PLCXD3: variants seen among roughly 807,000 people sequenced by gnomAD.
PLCXD3 encodes the protein phosphatidylinositol specific phospholipase C X domain containing 3.
A neutral mutation model predicts 25.5 loss-of-function variants in PLCXD3; 19 were observed. The observed-to-expected ratio is 0.75, with a 90% CI of 0.52 to 1.09. The LOEUF is 1.09. PLCXD3 is among the 50% of genes least tolerant of loss of function. The probability of loss-of-function intolerance (pLI) is 0.00; values close to 1 mark genes in which losing one functional copy is unlikely to be tolerated. For synonymous variants in PLCXD3, 174 were observed against 137.6 expected, an observed-to-expected ratio of 1.26 and a Z score of -1.85; for missense variants, 411 against 388.1, an observed-to-expected ratio of 1.06 and a Z score of -0.50.
At chr5:41,431,056 A>G (rs1186748804) in intron 1 of PLCXD3, among the ~76,000 whole-genome samples, 1 of 152,186 alleles carries the variant, frequency 6.6e-6, no homozygotes, top group Non-Finnish European at 1.5e-5. Flanking sequence ...AACTTATTAT[A>G]CAATGAGCAC....
intron 1 of PLCXD3, among the ~76,000 whole-genome samples, chr5:41,483,142 A>G (rs1293353179): frequency 6.6e-6 from 1 of 152,216 alleles, no homozygotes; most frequent in South Asian, 2.1e-4. Flanking sequence ...AAGGATGTCA[A>G]TTAAAGTGAA....
chr5:41,386,378 A>G (rs1745635731), intron 1 of PLCXD3, among the ~76,000 whole-genome samples: 1 of 152,034 alleles, frequency 6.6e-6, no homozygotes, highest in Non-Finnish European at 1.5e-5. Context: ...TCTGTGTAGA[A>G]TGTGTGTAAT....
At chr5:41,343,228 T>G (rs920003298) in intron 2 of PLCXD3, among the ~76,000 whole-genome samples, 2 of 152,106 alleles carry the variant, frequency 1.3e-5, no homozygotes, top group African/African-American at 2.4e-5. Context: ...GACCACTTTA[T>G]TCACCATAAT....
At chr5:41,496,359 C>G (rs921538152) in intron 1 of PLCXD3, among the ~76,000 whole-genome samples, 4 of 151,884 alleles carry the variant, frequency 2.6e-5, no homozygotes, top group Non-Finnish European at 5.9e-5. Flanking sequence ...CTTTCAGATT[C>G]AAGAAGCCCA....
At position 41,307,101 on chromosome 5, in the gene PLCXD3, C is replaced by T. The variant is rs1240531449; in HGVS notation, c.*6516G>A. 6.6e-6 allele frequency: 1 copy of T among 152,526 alleles called. No homozygotes were observed. Among genetic ancestry groups the T allele is most frequent in the Non-Finnish European group, 1.5e-5 (1 of 67,996 alleles). The allele number at this position is 152,526 out of a possible 1,614,324, so 9.4% of individuals were successfully genotyped here. On this transcript the variant is annotated 3_prime_UTR_variant, in exon 3 of 3. Transcript: ENST00000377801. Reference sequence around the variant, plus strand: ...CTTTACACCACATTTATTAAAGTATCAATAACCAGATCCTAAAAAGAGAAG... The same window carrying T: ...CTTTACACCACATTTATTAAAGTATTAATAACCAGATCCTAAAAAGAGAAG...
chr5:41,423,493 T>C (rs1746876875), intron 1 of PLCXD3, among the ~76,000 whole-genome samples: 1 of 152,156 alleles, frequency 6.6e-6, no homozygotes, highest in Non-Finnish European at 1.5e-5. Context: ...TGATTATTTT[T>C]ATATTCTCCT....
At chr5:41,466,758 C>T (rs1748025797) in intron 1 of PLCXD3, among the ~76,000 whole-genome samples, 1 of 152,070 alleles carries the variant, frequency 6.6e-6, no homozygotes, top group Non-Finnish European at 1.5e-5. Flanking sequence ...CCTCTAACTT[C>T]TATGAATTCA....
In PLCXD3 at chr5:41,313,347, T is replaced by C. The variant is rs1041886235; in HGVS notation, c.*270A>G. 7.8e-6 allele frequency: 3 copies of C among 385,394 alleles called. No individual in the cohort carries two copies. The highest frequency in any genetic ancestry group is 1.4e-5 in the Non-Finnish European group (3 of 213,552). 23.9% of individuals were successfully genotyped at this position (385,394 alleles called of 1,614,324 possible). ...CTCATGAATTCTATGTTACAAAGAC[T>C]AATTTTGAAAAACAAAGTTACTGGT... On this transcript the variant is annotated 3_prime_UTR_variant, in exon 3 of 3. Coordinates refer to ENST00000377801, the MANE Select transcript of PLCXD3 (RefSeq NM_001005473.3).
intron 1 of PLCXD3, among the ~76,000 whole-genome samples, chr5:41,416,083 G>A (rs769849882): frequency 6.6e-6 from 1 of 152,136 alleles, no homozygotes; most frequent in African/African-American, 2.4e-5. Flanking sequence ...AGCTCAAAGA[G>A]GGAGATTAGG....
intron 1 of PLCXD3, among the ~76,000 whole-genome samples, chr5:41,486,952 G>A (rs564839844): frequency 1.8e-4 from 27 of 152,252 alleles, no homozygotes; most frequent in African/African-American, 6.5e-4. Context: ...CCGTTTTACA[G>A]ATGTAACACC....
At chr5:41,508,205 T>C (rs1258745734) in intron 1 of PLCXD3, among the ~76,000 whole-genome samples, 3 of 152,238 alleles carry the variant, frequency 2.0e-5, no homozygotes, top group Non-Finnish European at 4.4e-5. Flanking sequence ...TGTCATCATC[T>C]TTATGTCTGT....
chr5:41,463,181 A>G (rs995395550), intron 1 of PLCXD3, among the ~76,000 whole-genome samples: 2 of 152,040 alleles, frequency 1.3e-5, no homozygotes. Context: ...TTCCACCTGT[A>G]TTCATCAGTT....
At chr5:41,460,161 T>A (rs1458647073) in intron 1 of PLCXD3, among the ~76,000 whole-genome samples, 3 of 151,950 alleles carry the variant, frequency 2.0e-5, no homozygotes, top group Non-Finnish European at 4.4e-5. Flanking sequence ...TTATGGATGC[T>A]AGTGTTCCCA....
chr5:41,474,264 G>T (rs1748232507), intron 1 of PLCXD3, among the ~76,000 whole-genome samples: 1 of 152,122 alleles, frequency 6.6e-6, no homozygotes, highest in Non-Finnish European at 1.5e-5. Context: ...ATTGATAACA[G>T]GTTCATATTA....
chr5:41,312,975 T>G lies in PLCXD3; in HGVS notation c.*642A>C, dbSNP rs929740007. 6.6e-6 allele frequency: 1 copy of G among 152,534 alleles called. No individual in the cohort carries two copies. The highest frequency in any genetic ancestry group is 1.5e-5 in the Non-Finnish European group (1 of 68,018). The allele number at this position is 152,534 out of a possible 1,614,324, so 9.4% of individuals were successfully genotyped here. On this transcript the variant is annotated 3_prime_UTR_variant, in exon 3 of 3. Coordinates refer to ENST00000377801, the MANE Select transcript of PLCXD3 (RefSeq NM_001005473.3). Reference sequence around the variant, plus strand: ...TTTTCTCCTATATTTATAGCTGCCTTAAATAGAAATACTGTGAAACACTAT... The same window carrying G: ...TTTTCTCCTATATTTATAGCTGCCTGAAATAGAAATACTGTGAAACACTAT...
chr5:41,443,296 A>G (rs572444779), intron 1 of PLCXD3, among the ~76,000 whole-genome samples: 4 of 152,026 alleles, frequency 2.6e-5, no homozygotes, highest in African/African-American at 9.6e-5. Flanking sequence ...TCAATACTTG[A>G]AGCACTCAGT....
At chr5:41,345,204 T>C (rs549761162) in intron 2 of PLCXD3, among the ~76,000 whole-genome samples, 1 of 152,300 alleles carries the variant, frequency 6.6e-6, no homozygotes, top group African/African-American at 2.4e-5. Context: ...TTGAGATTTT[T>C]CCAAATGATG....
chr5:41,333,981 C>T lies in PLCXD3; in HGVS notation c.813-20211G>A, dbSNP rs554582022. 2.4e-4 allele frequency among the ~76,000 whole-genome samples: 37 copies of T among 152,194 alleles called. No homozygotes were observed. In the South Asian group the frequency reaches 6.0e-3, roughly 25 times the overall value. ...CCATTTATAGCTTGATAAAGACATCCGTTTGACAAATATTTATAAAGCAAC... is the reference window on the plus strand; with the variant it reads ...CCATTTATAGCTTGATAAAGACATCTGTTTGACAAATATTTATAAAGCAAC... On this transcript the variant is annotated intron_variant, in intron 2 of 2. Coordinates refer to ENST00000377801, the MANE Select transcript of PLCXD3 (RefSeq NM_001005473.3).
At chr5:41,322,804 G>A (rs192783456) in intron 2 of PLCXD3, among the ~76,000 whole-genome samples, 9 of 111,036 alleles carry the variant, frequency 8.1e-5, no homozygotes, top group Admixed American at 2.9e-4. Flanking sequence ...GTGAAACTCC[G>A]TCTCTACTAA....
Sources: gnomAD v4.1 joint callset for allele counts (sites outside exome capture counted in the v4.1 genomes callset) on GRCh38, gnomAD v4.1.1 for gene constraint, MANE v1.5 for transcripts, NCBI Gene and HGNC (gene_info 2026-07-23, HGNC 2026-07-21) for gene names.